The following NCALD variants were observed in gnomAD, a reference collection of about 807,000 sequenced individuals.
The protein encoded by NCALD is neurocalcin-delta.
In NCALD, 10 loss-of-function variants were observed where a neutral mutation model predicts 18.6. The observed-to-expected ratio is 0.54, with a 90% CI of 0.33 to 0.91. NCALD has a LOEUF of 0.91. Among genes scored for constraint, NCALD ranks in the 40% least tolerant of loss-of-function variants. The pLI is 0.03. For synonymous variants in NCALD, 88 were observed against 87.4 expected, an observed-to-expected ratio of 1.01 and a Z score of -0.04; for missense variants, 184 against 247.6, an observed-to-expected ratio of 0.74 and a Z score of 1.72.
chr8:101,920,063 C>T (rs899269597), intron 2 of NCALD, among the ~76,000 whole-genome samples: 2 of 152,046 alleles, frequency 1.3e-5, no homozygotes, highest in African/African-American at 4.8e-5. Flanking sequence ...TCAAGACCAG[C>T]CTGAACAACA....
intron 4 of NCALD, among the ~76,000 whole-genome samples, chr8:101,807,247 C>A (rs1227973320): frequency 6.6e-6 from 1 of 152,010 alleles, no homozygotes; most frequent in East Asian, 1.9e-4. Flanking sequence ...GTCACAAATG[C>A]ATATTTCTTC....
Position 101,849,907 on chromosome 8 carries a change from C to A in NCALD, c.-20+37234G>T, listed in dbSNP as rs149142756. 6.5e-3 allele frequency among the ~76,000 whole-genome samples: 994 copies of A among 152,322 alleles called. 4 individuals are homozygous for A. The highest frequency in any genetic ancestry group is 9.8e-3 in the Non-Finnish European group (665 of 68,018). ...GGGGCCCTTCCCTGTGTTTCCCCAGCCATTCACAGAATTCAGGAAGTTCTT... is the reference window on the plus strand; with the variant it reads ...GGGGCCCTTCCCTGTGTTTCCCCAGACATTCACAGAATTCAGGAAGTTCTT... On this transcript the variant is annotated intron_variant, in intron 4 of 6. Transcript: ENST00000311028.
intron 1 of NCALD, among the ~76,000 whole-genome samples, chr8:101,745,028 G>A (rs1176725731): frequency 8.0e-6 from 1 of 125,382 alleles, no homozygotes; most frequent in Non-Finnish European, 1.6e-5. Flanking sequence ...TCATCATCAA[G>A]CATTTCTGGG....
chr8:101,799,337 A>G (rs1285522887), intron 4 of NCALD, among the ~76,000 whole-genome samples: 1 of 152,228 alleles, frequency 6.6e-6, no homozygotes, highest in Non-Finnish European at 1.5e-5. Context: ...GTGGGAATGT[A>G]AACTAATAAA....
At chr8:102,094,761 T>C (rs1317927381) in intron 1 of NCALD, among the ~76,000 whole-genome samples, 1 of 152,208 alleles carries the variant, frequency 6.6e-6, no homozygotes, top group East Asian at 1.9e-4. Flanking sequence ...CATTCAATGA[T>C]TGGTGTCCTT....
chr8:101,902,044 G>T (rs1817445137), intron 3 of NCALD, among the ~76,000 whole-genome samples: 1 of 152,182 alleles, frequency 6.6e-6, no homozygotes, highest in Non-Finnish European at 1.5e-5. Context: ...ACCCACCTCA[G>T]CCTCCCAAAG....
At chr8:102,027,659 C>T (rs1822508659) in intron 1 of NCALD, among the ~76,000 whole-genome samples, 2 of 152,130 alleles carry the variant, frequency 1.3e-5, no homozygotes, top group South Asian at 4.1e-4. Context: ...CAGCAGCGCC[C>T]TACACCCAGA....
At chr8:102,028,935 C>A (rs1341045394) in intron 1 of NCALD, 2 of 151,930 alleles carry the variant, frequency 1.3e-5, no homozygotes, top group African/African-American at 4.8e-5. Context: ...AGAGTGGTGA[C>A]AAACACATAA....
At chr8:102,065,305 C>G (rs746716242) in intron 1 of NCALD, among the ~76,000 whole-genome samples, 1 of 151,742 alleles carries the variant, frequency 6.6e-6, no homozygotes, top group Non-Finnish European at 1.5e-5. Context: ...CATACGCAGG[C>G]GCCACCACCC....
chr8:102,058,404 G>A (rs965611240), intron 1 of NCALD, among the ~76,000 whole-genome samples: 18 of 152,292 alleles, frequency 1.2e-4, no homozygotes, highest in Non-Finnish European at 1.8e-4. Context: ...ACTAGGAAAA[G>A]AAGAAATGGA....
intron 1 of NCALD, among the ~76,000 whole-genome samples, chr8:102,076,160 AT>A (rs556622555): frequency 1.2e-4 from 19 of 152,302 alleles, no homozygotes; most frequent in African/African-American, 4.6e-4. Context: ...GAATAAAAAA[AT>A]AACATGTTTA....
At chr8:102,081,564 A>AC (rs1563601074) in intron 1 of NCALD, among the ~76,000 whole-genome samples, 2 of 113,720 alleles carry the variant, frequency 1.8e-5, no homozygotes, top group Non-Finnish European at 3.5e-5. Flanking sequence ...AAAAAAAAAA[A>AC]AAAAAAAAAA....
intron 3 of NCALD, chr8:101,692,349 C>T: frequency 2.0e-6 from 2 of 985,300 alleles, no homozygotes; most frequent in Non-Finnish European, 2.4e-6. Flanking sequence ...CACAGGAGAC[C>T]CCAACAAAAC....
intron 1 of NCALD, among the ~76,000 whole-genome samples, chr8:101,774,266 T>A (rs113241957): frequency 1.3e-5 from 2 of 152,206 alleles, no homozygotes; most frequent in African/African-American, 2.4e-5. Flanking sequence ...ACAAAGCCAA[T>A]GCTGTCTTGT....
intron 1 of NCALD, among the ~76,000 whole-genome samples, chr8:102,037,005 A>G (rs1226394437): frequency 6.6e-6 from 1 of 152,210 alleles, no homozygotes; most frequent in Non-Finnish European, 1.5e-5. Flanking sequence ...CACACAAAAA[A>G]GCATGTGTAA....
At chr8:101,931,384 T>C (rs1818566059) in intron 2 of NCALD, among the ~76,000 whole-genome samples, 1 of 152,212 alleles carries the variant, frequency 6.6e-6, no homozygotes, top group Non-Finnish European at 1.5e-5. Context: ...AAAATAACCC[T>C]GTTAACAACA....
intron 1 of NCALD, among the ~76,000 whole-genome samples, chr8:101,747,171 T>C (rs2130743776): frequency 8.0e-6 from 1 of 125,688 alleles, no homozygotes. Flanking sequence ...ACACACAGAG[T>C]CCTGATGTCC....
chr8:101,955,224 T>C lies in NCALD; in HGVS notation c.-156-39366A>G, dbSNP rs150488486. Among the ~76,000 whole-genome samples the C allele has an allele frequency of 6.1e-4, 93 of 152,338 alleles. No homozygotes were observed. In the Middle Eastern group the frequency reaches 0.017, roughly 28 times the overall value. On this transcript the variant is annotated intron_variant, in intron 2 of 6. Coordinates refer to the NCALD transcript ENST00000311028. The stretch of plus-strand genomic sequence containing the variant: ...ATATAGGGATAGAACAATAAGTCCC[T>C]AGACCTAGTTTTATATTTTAGAAGG...
chr8:102,100,870 C>T (rs117817129), intron 1 of NCALD, among the ~76,000 whole-genome samples: 3,961 of 151,190 alleles, frequency 0.026, 135 homozygotes, highest in East Asian at 0.13. Flanking sequence ...TAGAGCAGAA[C>T]GGTGGTCGTC....
Sources: allele counts gnomAD v4.1 joint callset (sites outside exome capture counted in the v4.1 genomes callset), GRCh38; gene constraint gnomAD v4.1.1; transcripts MANE v1.5; gene names NCBI Gene and HGNC (gene_info 2026-07-23, HGNC 2026-07-21).